The following ERCC1 variants were observed in gnomAD, a reference collection of about 807,000 sequenced individuals.
ERCC1 encodes DNA excision repair protein ERCC-1.
A neutral mutation model predicts 37.6 loss-of-function variants in ERCC1; 36 were observed. The observed-to-expected ratio is 0.96, with a 90% CI of 0.73 to 1.26. The LOEUF (loss-of-function observed/expected upper bound fraction) is 1.26, where lower values mean the gene tolerates loss of function less well. Ranked by LOEUF, ERCC1 falls within the 50% of genes most tolerant of loss-of-function variation. The pLI is 0.00. For missense variants in ERCC1, 349 were observed against 376.5 expected (o/e 0.93, Z 0.60); for synonymous variants, 156 against 162.1 (o/e 0.96, Z 0.28).
intron 1 of ERCC1, among the ~76,000 whole-genome samples, chr19:45,437,115 G>A (rs888653021): frequency 6.6e-6 from 1 of 151,934 alleles, no homozygotes; most frequent in Non-Finnish European, 1.5e-5. Context: ...CAGGCGTTGT[G>A]ACACACGCCC....
intron 2 of ERCC1, 120 bp downstream of exon 2, chr19:45,423,150 C>G: frequency 1.1e-6 from 1 of 949,010 alleles, no homozygotes; most frequent in Non-Finnish European, 1.6e-6. Flanking sequence ...GGACTGTTTC[C>G]CCAAGTCGTC....
At chr19:45,427,825 T>C (rs895880438), upstream of ERCC1, among the ~76,000 whole-genome samples, 23 of 151,418 alleles carry the variant, frequency 1.5e-4, no homozygotes, top group African/African-American at 5.3e-4. Context: ...AGCCGGGGCC[T>C]CTCTGCTCCG....
At chr19:45,447,144 A>G (rs959933659) in intron 1 of ERCC1, among the ~76,000 whole-genome samples, 3 of 152,150 alleles carry the variant, frequency 2.0e-5, no homozygotes, top group African/African-American at 7.2e-5. Context: ...ATCACGGCCT[A>G]GGCCTGGCAC....
chr19:45,409,895 A>ATTATTAT lies in ERCC1; in HGVS notation c.844-171_844-170insATAATAA, dbSNP rs1555785258. Reference sequence around the variant, plus strand: ...TTTTTAAGTTATTATTATTATTATTATTTTTTTTTTTTTTGAGATGGAGTC... The same window carrying ATTATTAT: ...TTTTTAAGTTATTATTATTATTATTATTATTATTTTTTTTTTTTTTTGAGATGGAGTC... On this transcript the variant is annotated intron_variant, in intron 9 of 9. Transcript: ENST00000300853. 1,452 of 171,634 alleles carry ATTATTAT rather than the reference A, an allele frequency of 8.5e-3. 35 individuals are homozygous for ATTATTAT. The highest frequency in any genetic ancestry group is 0.036 in the African/African-American group (1,300 of 36,458). The allele number at this position is 171,634 out of a possible 1,614,324, so 10.6% of individuals were successfully genotyped here.
chr19:45,432,283 T>TTTA (rs35170597), intron 1 of ERCC1, among the ~76,000 whole-genome samples: 2,456 of 145,946 alleles, frequency 0.017, 17 homozygotes, highest in Middle Eastern at 0.046. Flanking sequence ...ACAAAATTAA[T>TTTA]TTATTATTAT....
chr19:45,413,329 T>C lies in ERCC1; in HGVS notation c.843+348A>G, dbSNP rs3212978. The C allele has an allele frequency of 0.26, 144,816 of 555,296 alleles. 19,650 individuals carry two copies. The highest frequency in any genetic ancestry group is 0.37 in the Admixed American group (11,943 of 32,252). The allele number at this position is 555,296 out of a possible 1,614,324, so 34.4% of individuals were successfully genotyped here. On this transcript the variant is annotated intron_variant, in intron 9 of 9. Transcript: ENST00000300853. ...TCACCCAGGCTGGAGCGTAGTAACA[T>C]GCTTATAGCTCACTGCAGCCTCAAC...
chr19:45,425,082 A>ATTTTTTTTTTT (rs35314737), upstream of ERCC1, among the ~76,000 whole-genome samples: 50 of 116,950 alleles, frequency 4.3e-4, no homozygotes, highest in East Asian at 7.4e-4. Flanking sequence ...TGCCCGGCTA[A>ATTTTTTTTTTT]TTTTTTTTTT....
chr19:45,450,969 T>C (rs1263541783), intron 1 of ERCC1, among the ~76,000 whole-genome samples: 1 of 145,302 alleles, frequency 6.9e-6, no homozygotes, highest in East Asian at 2.3e-4. Flanking sequence ...ACGCGAGGGC[T>C]GTTTGTCCCG....
intron 1 of ERCC1, among the ~76,000 whole-genome samples, chr19:45,429,363 G>A (rs974438544): frequency 6.6e-6 from 1 of 152,138 alleles, no homozygotes. Flanking sequence ...GGGAGGCTGA[G>A]GCAGGAGAAT....
At chr19:45,410,783 G>A (rs1200990614) in intron 9 of ERCC1, 4 of 151,878 alleles carry the variant, frequency 2.6e-5, no homozygotes, top group Non-Finnish European at 5.9e-5. Context: ...ATAATCCCCA[G>A]TTCATTATGT....
upstream of ERCC1, among the ~76,000 whole-genome samples, chr19:45,425,658 C>T (rs1047380904): frequency 6.6e-6 from 1 of 152,152 alleles, no homozygotes; most frequent in South Asian, 2.1e-4. Flanking sequence ...GCATGAGCCA[C>T]GGTGCCTGGC....
At chr19:45,409,845 A>T in intron 9 of ERCC1, 120 bp from the exon 10 acceptor site, 1 of 653,232 alleles carries the variant, frequency 1.5e-6, no homozygotes. Flanking sequence ...TTATCCATTG[A>T]GTTACAAACA....
intron 6 of ERCC1, among the ~76,000 whole-genome samples, chr19:45,415,546 G>C (rs982683447): frequency 7.0e-6 from 1 of 143,124 alleles, no homozygotes; most frequent in African/African-American, 2.6e-5. Flanking sequence ...TGAGGCATGA[G>C]AATGGCGTGA....
intron 1 of ERCC1, among the ~76,000 whole-genome samples, chr19:45,445,121 A>T (rs760988056): frequency 3.3e-5 from 5 of 152,110 alleles, no homozygotes; most frequent in Non-Finnish European, 7.4e-5. Context: ...AGTTCAAGCA[A>T]TTCTCCTGCC....
chr19:45,416,795 A>G, intron 6 of ERCC1, 26 bp downstream of exon 6: 4 of 1,591,544 alleles, frequency 2.5e-6, no homozygotes, highest in Non-Finnish European at 3.4e-6. Flanking sequence ...TGGAGCCTGA[A>G]TGAGGCAGGG....
intron 6 of ERCC1, 74 bp from the exon 7 acceptor site, chr19:45,415,034 T>A: frequency 8.3e-7 from 1 of 1,204,102 alleles, no homozygotes; most frequent in Non-Finnish European, 1.2e-6. Context: ...TGGTCAGTCA[T>A]AAGAATTGCC....
Position 45,408,292 on chromosome 19 carries a change from C to G in ERCC1, c.*1383G>C, listed in dbSNP as rs771845106. On this transcript the variant is annotated 3_prime_UTR_variant, in exon 10 of 10. Coordinates refer to ENST00000300853, the MANE Select transcript of ERCC1 (RefSeq NM_001983.4). ...AGGCAGGAGGTGGACTCACCTGTGC[C>G]TCAGCCCCCCAGGGCACCCTAAGGA... The G allele has an allele frequency of 9.3e-6, 15 of 1,613,560 alleles. No homozygotes were observed. Among genetic ancestry groups the G allele is most frequent in the Non-Finnish European group, 1.3e-5 (15 of 1,179,760 alleles).
At chr19:45,418,434 C>A (rs931070122) in intron 5 of ERCC1, among the ~76,000 whole-genome samples, 1 of 152,142 alleles carries the variant, frequency 6.6e-6, no homozygotes, top group South Asian at 2.1e-4. Context: ...GCAGGAGAAT[C>A]GTTTGAACCC....
chr19:45,419,439 T>C (rs2123503336), intron 4 of ERCC1: 1 of 508,294 alleles, frequency 2.0e-6, no homozygotes. Context: ...GGCTTCTTCA[T>C]GAAGAGGGGA....
Sources: allele counts gnomAD v4.1 joint callset (sites outside exome capture counted in the v4.1 genomes callset), GRCh38; gene constraint gnomAD v4.1.1; transcripts MANE v1.5; gene names NCBI Gene and HGNC (gene_info 2026-07-23, HGNC 2026-07-21).